The following ASTN2 variants were observed in gnomAD, a reference collection of about 807,000 sequenced individuals.
The protein encoded by ASTN2 is astrotactin-2.
A neutral mutation model predicts 139.8 loss-of-function variants in ASTN2; 54 were observed. The ratio of observed to expected loss-of-function variants is 0.39; its 90% CI spans 0.31 to 0.48. The LOEUF is 0.48. Ranked by LOEUF, ASTN2 falls within the 20% of genes least tolerant of loss-of-function variation. ASTN2 has a pLI of 0.95. For missense variants in ASTN2, 1,565 were observed against 1,725.1 expected, an observed-to-expected ratio of 0.91 and a Z score of 1.64; for synonymous variants, 756 against 719.5, an observed-to-expected ratio of 1.05 and a Z score of -0.81.
chr9:116,727,387 T>C (rs1425347776), intron 15 of ASTN2, among the ~76,000 whole-genome samples: 1 of 152,206 alleles, frequency 6.6e-6, no homozygotes, highest in African/African-American at 2.4e-5. Flanking sequence ...GCATTAAAAG[T>C]GAGCTCCAAT....
In ASTN2 at chr9:117,050,027, G is replaced by A. The variant is rs140985972; in HGVS notation, c.1277-10062C>T. 1.6e-3 allele frequency among the ~76,000 whole-genome samples: 238 copies of A among 152,184 alleles called. 1 individual carries two copies. The highest frequency in any genetic ancestry group is 5.3e-3 in the African/African-American group (219 of 41,518). On this transcript the variant is annotated intron_variant, in intron 5 of 22. Coordinates refer to ENST00000313400, the MANE Select transcript of ASTN2 (RefSeq NM_001365068.1). ...TCTGATTCATAGGTGACTATCAATC[G>A]ACTGGTGCTGACTTACCCAAAATGT... is the stretch of plus-strand genomic sequence containing the variant.
At chr9:117,228,777 G>A (rs1372814291) in intron 2 of ASTN2, among the ~76,000 whole-genome samples, 2 of 152,072 alleles carry the variant, frequency 1.3e-5, no homozygotes, top group African/African-American at 4.8e-5. Context: ...CACTTTAGGA[G>A]GCCGAGGCGG....
chr9:116,808,802 C>G (rs1192891942), intron 12 of ASTN2, among the ~76,000 whole-genome samples: 1 of 152,106 alleles, frequency 6.6e-6, no homozygotes, highest in East Asian at 1.9e-4. Flanking sequence ...ATGGGAGATC[C>G]TATTTTTCTA....
chr9:116,837,789 C>T (rs1832051253), intron 11 of ASTN2, among the ~76,000 whole-genome samples: 1 of 152,168 alleles, frequency 6.6e-6, no homozygotes, highest in Non-Finnish European at 1.5e-5. Context: ...CCTGCTGATG[C>T]TGGAGGTGGG....
At chr9:117,043,224 G>A (rs1203900905) in intron 5 of ASTN2, among the ~76,000 whole-genome samples, 2 of 152,100 alleles carry the variant, frequency 1.3e-5, no homozygotes, top group African/African-American at 4.8e-5. Flanking sequence ...GGAAAAATAT[G>A]TAATGATAAG....
chr9:116,608,462 C>T (rs1855329057), intron 19 of ASTN2, among the ~76,000 whole-genome samples: 1 of 152,048 alleles, frequency 6.6e-6, no homozygotes, highest in South Asian at 2.1e-4. Flanking sequence ...AATAATTAGC[C>T]CTAGACTAAA....
chr9:116,898,504 G>C (rs1336186474), intron 10 of ASTN2, among the ~76,000 whole-genome samples: 1 of 151,992 alleles, frequency 6.6e-6, no homozygotes, highest in Non-Finnish European at 1.5e-5. Context: ...CACTTCTTCA[G>C]TTCCAAGATT....
intron 6 of ASTN2, among the ~76,000 whole-genome samples, chr9:117,016,637 T>TAGGTTATACATATATGTTAC (rs1564385945): frequency 8.7e-5 from 2 of 23,000 alleles, no homozygotes; most frequent in Non-Finnish European, 2.3e-4. Flanking sequence ...TATATATATA[T>TAGGTTATACATATATGTTAC]ATATATATAT....
At chr9:117,327,638 G>C (rs936280567) in intron 1 of ASTN2, among the ~76,000 whole-genome samples, 3 of 152,204 alleles carry the variant, frequency 2.0e-5, no homozygotes, top group Admixed American at 6.5e-5. Flanking sequence ...TGTGTCTGGG[G>C]AAGATTCACC....
chr9:116,927,722 G>T (rs1294926764), intron 10 of ASTN2, among the ~76,000 whole-genome samples: 1 of 152,156 alleles, frequency 6.6e-6, no homozygotes, highest in Non-Finnish European at 1.5e-5. Context: ...CTAAACATAA[G>T]CATCTCGGGG....
chr9:117,397,529 G>A (rs1830708672), intron 1 of ASTN2, among the ~76,000 whole-genome samples: 1 of 152,142 alleles, frequency 6.6e-6, no homozygotes, highest in Non-Finnish European at 1.5e-5. Context: ...CATATCTGGT[G>A]TATTATGAGC....
chr9:117,362,591 G>A (rs910849061), intron 1 of ASTN2, among the ~76,000 whole-genome samples: 2 of 152,078 alleles, frequency 1.3e-5, no homozygotes, highest in Non-Finnish European at 2.9e-5. Flanking sequence ...TCAAATCAAT[G>A]TTCCCTTTCC....
intron 1 of ASTN2, among the ~76,000 whole-genome samples, chr9:117,400,510 C>T (rs757682922): frequency 2.0e-5 from 3 of 152,172 alleles, no homozygotes; most frequent in Non-Finnish European, 2.9e-5. Flanking sequence ...GGAACCCTGC[C>T]ATTGGCAGAC....
intron 1 of ASTN2, among the ~76,000 whole-genome samples, chr9:117,318,496 C>G (rs768154160): frequency 6.6e-6 from 1 of 152,046 alleles, no homozygotes; most frequent in Non-Finnish European, 1.5e-5. Flanking sequence ...GAGAGAGACA[C>G]CTGTGAGAGT....
At chr9:116,646,546 T>C (rs1857598026) in intron 17 of ASTN2, among the ~76,000 whole-genome samples, 1 of 152,158 alleles carries the variant, frequency 6.6e-6, no homozygotes, top group Non-Finnish European at 1.5e-5. Context: ...CATATTCCCT[T>C]CCTCCAGGAT....
intron 2 of ASTN2, among the ~76,000 whole-genome samples, chr9:117,288,030 C>A (rs1057053748): frequency 6.6e-6 from 1 of 152,192 alleles, no homozygotes. Flanking sequence ...GTAGAAGAGA[C>A]TATATTCAGA....
rs148069302 is a variant in ASTN2, at chr9:117,016,316, T to C, written c.1424-8057A>G. Among the ~76,000 whole-genome samples, 161 of 152,040 alleles carry C rather than the reference T, an allele frequency of 1.1e-3. 1 individual carries two copies. Among genetic ancestry groups the C allele is most frequent in the African/African-American group, 3.8e-3 (159 of 41,508 alleles). On this transcript the variant is annotated intron_variant, in intron 6 of 22. Coordinates refer to ENST00000313400, the MANE Select transcript of ASTN2 (RefSeq NM_001365068.1). ...GGAGGTGGGAGTGAGAGAAGTCAAC[T>C]GACTCTCCAAGAGCCACAGGTGTCA...
At chr9:116,650,612 G>C (rs1048749387) in intron 17 of ASTN2, among the ~76,000 whole-genome samples, 1 of 152,168 alleles carries the variant, frequency 6.6e-6, no homozygotes, top group Non-Finnish European at 1.5e-5. Context: ...CAGATCTGGA[G>C]GGCAGAGTAA....
intron 12 of ASTN2, among the ~76,000 whole-genome samples, chr9:116,815,890 A>G (rs1013304900): frequency 5.3e-5 from 8 of 151,610 alleles, no homozygotes; most frequent in Non-Finnish European, 7.4e-5. Flanking sequence ...CTCTTAGCAA[A>G]TAACGGCAGA....
Sources: gnomAD v4.1 joint callset for allele counts (sites outside exome capture counted in the v4.1 genomes callset) on GRCh38, gnomAD v4.1.1 for gene constraint, MANE v1.5 for transcripts, NCBI Gene and HGNC (gene_info 2026-07-23, HGNC 2026-07-21) for gene names.